Variants in ZMAT4 observed in about 807,000 individuals in gnomAD.
ZMAT4 encodes the protein zinc finger matrin-type 4.
Under a neutral mutation model 28.7 loss-of-function variants are expected in ZMAT4, and 17 were observed. That is an observed-to-expected ratio of 0.59 (90% CI 0.41 to 0.89). The LOEUF (loss-of-function observed/expected upper bound fraction) is 0.89. Among genes scored for constraint, ZMAT4 ranks in the 40% least tolerant of loss-of-function variants. ZMAT4 has a pLI of 0.00. For missense variants in ZMAT4, 240 were observed against 283.8 expected, an observed-to-expected ratio of 0.85 and a Z score of 1.11; for synonymous variants, 117 against 109.2, an observed-to-expected ratio of 1.07 and a Z score of -0.44.
intron 1 of ZMAT4, among the ~76,000 whole-genome samples, chr8:40,890,668 C>T (rs1387156561): frequency 6.6e-6 from 1 of 152,164 alleles, no homozygotes; most frequent in African/African-American, 2.4e-5. Context: ...TCATTTCCTG[C>T]CTGACAGTTT....
chr8:40,795,833 A>G (rs1814573607), intron 2 of ZMAT4, among the ~76,000 whole-genome samples: 1 of 152,254 alleles, frequency 6.6e-6, no homozygotes, highest in African/African-American at 2.4e-5. Context: ...CACCACAAGC[A>G]TCATAGCATT....
At chr8:40,820,859 G>T (rs1815779306) in intron 2 of ZMAT4, among the ~76,000 whole-genome samples, 1 of 144,506 alleles carries the variant, frequency 6.9e-6, no homozygotes, top group African/African-American at 2.6e-5. Context: ...GTTTATGTGT[G>T]TTTGTGTGTT....
At chr8:40,643,661 A>G (rs1457566667) in intron 5 of ZMAT4, among the ~76,000 whole-genome samples, 2 of 152,068 alleles carry the variant, frequency 1.3e-5, no homozygotes, top group East Asian at 1.9e-4. Flanking sequence ...CGGTGGAGAG[A>G]GGAAGCGAGC....
At chr8:40,863,981 T>C (rs1817590997) in intron 1 of ZMAT4, among the ~76,000 whole-genome samples, 4 of 152,234 alleles carry the variant, frequency 2.6e-5, no homozygotes, top group Admixed American at 2.6e-4. Context: ...CATATTTATC[T>C]CTGTATCTCC....
chr8:40,674,977 A>G (rs755930077), intron 4 of ZMAT4, 46 bp from the exon 5 acceptor site: 4 of 1,456,310 alleles, frequency 2.7e-6, no homozygotes, highest in Non-Finnish European at 3.8e-6. Flanking sequence ...TTAGTCCAAC[A>G]CTGAGTCCAC....
At chr8:40,668,846 G>A (rs1808552034) in intron 5 of ZMAT4, among the ~76,000 whole-genome samples, 1 of 151,006 alleles carries the variant, frequency 6.6e-6, no homozygotes, top group South Asian at 2.1e-4. Flanking sequence ...AAATTAGGAA[G>A]TACCTTGCCA....
chr8:40,821,100 AGTGT>A (rs1342421153), intron 2 of ZMAT4, among the ~76,000 whole-genome samples: 1 of 144,232 alleles, frequency 6.9e-6, no homozygotes, highest in African/African-American at 2.5e-5. Flanking sequence ...GTATGGGGGG[AGTGT>A]GTATGTGTGT....
intron 6 of ZMAT4, among the ~76,000 whole-genome samples, chr8:40,550,614 C>A (rs1049039035): frequency 2.0e-5 from 3 of 152,066 alleles, no homozygotes; most frequent in African/African-American, 7.2e-5. Context: ...ATGCTGTTCT[C>A]GTGACAGTGA....
intron 5 of ZMAT4, among the ~76,000 whole-genome samples, chr8:40,609,975 C>T (rs1715516693): frequency 6.6e-6 from 1 of 152,082 alleles, no homozygotes; most frequent in African/African-American, 2.4e-5. Context: ...TAAAACAGTG[C>T]CAAGGTAAGA....
At chr8:40,612,799 ATTTTGGT>A (rs1805844673) in intron 5 of ZMAT4, among the ~76,000 whole-genome samples, 1 of 86,684 alleles carries the variant, frequency 1.2e-5, no homozygotes, top group African/African-American at 3.5e-5. Flanking sequence ...CATTCTCTGT[ATTTTGGT>A]TTTTGTTTTT....
intron 5 of ZMAT4, among the ~76,000 whole-genome samples, chr8:40,583,825 G>A (rs1804573541): frequency 6.6e-6 from 1 of 152,154 alleles, no homozygotes; most frequent in Admixed American, 6.5e-5. Context: ...ACAAAAGGCT[G>A]CATTCTTTTG....
chr8:40,618,922 TAGAC>T (rs755279982), intron 5 of ZMAT4, among the ~76,000 whole-genome samples: 9 of 152,190 alleles, frequency 5.9e-5, no homozygotes, highest in East Asian at 1.9e-4. Flanking sequence ...GTGGGGAAAT[TAGAC>T]AGGTAAGTTT....
At chr8:40,864,418 A>G (rs1817605854) in intron 1 of ZMAT4, among the ~76,000 whole-genome samples, 1 of 152,234 alleles carries the variant, frequency 6.6e-6, no homozygotes, top group Non-Finnish European at 1.5e-5. Context: ...CTGGGGTGTC[A>G]CGCAAGATGG....
chr8:40,734,471 G>C (rs565201289), intron 3 of ZMAT4, among the ~76,000 whole-genome samples: 5 of 152,194 alleles, frequency 3.3e-5, no homozygotes, highest in Non-Finnish European at 7.3e-5. Context: ...AAATTTAGAC[G>C]ATTTCCTTGT....
At chr8:40,642,689 C>G (rs373174780) in intron 5 of ZMAT4, among the ~76,000 whole-genome samples, 1 of 152,326 alleles carries the variant, frequency 6.6e-6, no homozygotes, top group East Asian at 1.9e-4. Flanking sequence ...ATATTCTCTC[C>G]ATTTCTCCAT....
intron 5 of ZMAT4, among the ~76,000 whole-genome samples, chr8:40,593,641 G>A (rs1804967610): frequency 1.3e-5 from 2 of 152,174 alleles, no homozygotes; most frequent in African/African-American, 4.8e-5. Flanking sequence ...CAATGAAAGG[G>A]CCCAGGGAAG....
At chr8:40,894,207 G>C (rs533432407) in intron 1 of ZMAT4, among the ~76,000 whole-genome samples, 1 of 152,166 alleles carries the variant, frequency 6.6e-6, no homozygotes, top group Non-Finnish European at 1.5e-5. Context: ...ACTGTGCTTC[G>C]AAGCATCTGC....
chr8:40,796,209 C>CT (rs2150582886), intron 2 of ZMAT4, among the ~76,000 whole-genome samples: 1 of 152,296 alleles, frequency 6.6e-6, no homozygotes, highest in East Asian at 1.9e-4. Flanking sequence ...GCCCATGCAC[C>CT]TAACAGCAGG....
rs113643206 is a variant in ZMAT4, at chr8:40,683,250, T to C, written c.350-8319A>G. On this transcript the variant is annotated intron_variant, in intron 4 of 6. Coordinates refer to ENST00000297737, the MANE Select transcript of ZMAT4 (RefSeq NM_024645.3). ...GTATAACGATGAATGCCGGAATCAATGATAGCATCCACTCTGTCCAGACGG... is the reference window on the plus strand; with the variant it reads ...GTATAACGATGAATGCCGGAATCAACGATAGCATCCACTCTGTCCAGACGG... Among the ~76,000 whole-genome samples the C allele has an allele frequency of 5.8e-4, 89 of 152,316 alleles. 1 individual carries two copies. Among genetic ancestry groups the C allele is most frequent in the Non-Finnish European group, 1.0e-3 (68 of 68,020 alleles).
Sources: gnomAD v4.1 joint callset for allele counts (sites outside exome capture counted in the v4.1 genomes callset) on GRCh38, gnomAD v4.1.1 for gene constraint, MANE v1.5 for transcripts, NCBI Gene and HGNC (gene_info 2026-07-23, HGNC 2026-07-21) for gene names.